Variants in ASIC2 observed in about 807,000 individuals in gnomAD.
ASIC2 encodes acid-sensing ion channel 2.
A neutral mutation model predicts 57.3 loss-of-function variants in ASIC2; 25 were observed. The ratio of observed to expected loss-of-function variants is 0.44; its 90% confidence interval spans 0.32 to 0.61. The LOEUF (loss-of-function observed/expected upper bound fraction) is 0.61. Ranked by LOEUF, ASIC2 falls within the 20% of genes least tolerant of loss-of-function variation. The pLI is 0.06. For missense variants in ASIC2, 641 were observed against 738.1 expected (o/e 0.87, Z 1.52); for synonymous variants, 319 against 307.5 (o/e 1.04, Z -0.39).
intron 1 of ASIC2, among the ~76,000 whole-genome samples, chr17:33,334,771 C>T (rs1380502538): frequency 2.0e-5 from 3 of 152,162 alleles, no homozygotes; most frequent in African/African-American, 7.2e-5. Flanking sequence ...CATGTACTGA[C>T]AAAGGGTCCT....
chr17:33,140,212 TC>T (rs896141473), intron 1 of ASIC2, among the ~76,000 whole-genome samples: 7 of 152,322 alleles, frequency 4.6e-5, no homozygotes, highest in African/African-American at 1.7e-4. Context: ...TAGCTGGCAC[TC>T]CCAGATTGTG....
At chr17:33,884,077 T>C (rs914633538) in intron 1 of ASIC2, among the ~76,000 whole-genome samples, 3 of 152,208 alleles carry the variant, frequency 2.0e-5, no homozygotes, top group African/African-American at 7.2e-5. Flanking sequence ...CGCACACCTA[T>C]GGTCATGGCC....
At chr17:33,620,149 G>A (rs1348698926) in intron 1 of ASIC2, among the ~76,000 whole-genome samples, 1 of 148,978 alleles carries the variant, frequency 6.7e-6, no homozygotes, top group Non-Finnish European at 1.5e-5. Flanking sequence ...ATGTAAAAGT[G>A]CAGTATCTTT....
intron 1 of ASIC2, among the ~76,000 whole-genome samples, chr17:33,724,476 G>A (rs1377067502): frequency 6.6e-6 from 1 of 152,178 alleles, no homozygotes; most frequent in Non-Finnish European, 1.5e-5. Flanking sequence ...TCGGGTAAAG[G>A]GTGTAAGTGG....
At chr17:34,150,542 T>C (rs1380052642) in intron 1 of ASIC2, among the ~76,000 whole-genome samples, 2 of 152,194 alleles carry the variant, frequency 1.3e-5, no homozygotes, top group African/African-American at 2.4e-5. Context: ...CTTTTTAAAA[T>C]TAAAAATTAT....
At chr17:33,432,343 T>C (rs2141979064) in intron 1 of ASIC2, among the ~76,000 whole-genome samples, 1 of 152,290 alleles carries the variant, frequency 6.6e-6, no homozygotes, top group African/African-American at 2.4e-5. Context: ...TAATGAGACC[T>C]CGTCTCTACA....
intron 1 of ASIC2, among the ~76,000 whole-genome samples, chr17:33,351,871 G>T (rs1908196559): frequency 6.6e-6 from 1 of 152,118 alleles, no homozygotes; most frequent in Admixed American, 6.5e-5. Flanking sequence ...GGATGAGGAT[G>T]GGGGAGTCGG....
intron 1 of ASIC2, among the ~76,000 whole-genome samples, chr17:33,431,220 T>C (rs1911405825): frequency 6.6e-6 from 1 of 152,138 alleles, no homozygotes; most frequent in South Asian, 2.1e-4. Flanking sequence ...ATGTTTAAAA[T>C]TGACCAACCA....
At chr17:34,141,610 T>C (rs1912274780) in intron 1 of ASIC2, among the ~76,000 whole-genome samples, 1 of 152,184 alleles carries the variant, frequency 6.6e-6, no homozygotes, top group Non-Finnish European at 1.5e-5. Context: ...GTCTAGAACA[T>C]AGGGAACATC....
intron 1 of ASIC2, among the ~76,000 whole-genome samples, chr17:33,323,330 A>C (rs2142217695): frequency 6.6e-6 from 1 of 152,374 alleles, no homozygotes; most frequent in East Asian, 1.9e-4. Flanking sequence ...ATAGTCATAC[A>C]GTAGAGTACT....
intron 1 of ASIC2, among the ~76,000 whole-genome samples, chr17:33,613,219 A>C (rs1905470525): frequency 6.6e-6 from 1 of 152,216 alleles, no homozygotes; most frequent in East Asian, 1.9e-4. Context: ...TAACAGTAAT[A>C]TGTGGTAGAA....
intron 1 of ASIC2, among the ~76,000 whole-genome samples, chr17:33,132,354 GT>G (rs1398748281): frequency 6.6e-6 from 1 of 152,208 alleles, no homozygotes; most frequent in East Asian, 1.9e-4. Context: ...CTGTCATGAT[GT>G]TAAGAAATAA....
intron 1 of ASIC2, among the ~76,000 whole-genome samples, chr17:33,720,801 G>A (rs1285897792): frequency 1.3e-5 from 2 of 152,168 alleles, no homozygotes; most frequent in African/African-American, 4.8e-5. Context: ...TAAGAGATGG[G>A]AGATCACGGA....
At chr17:33,472,369 C>G (rs1913084615) in intron 1 of ASIC2, among the ~76,000 whole-genome samples, 1 of 152,186 alleles carries the variant, frequency 6.6e-6, no homozygotes, top group Non-Finnish European at 1.5e-5. Context: ...CCACCATGCA[C>G]TGGGCACATT....
intron 1 of ASIC2, among the ~76,000 whole-genome samples, chr17:33,349,630 G>T (rs1204783303): frequency 6.6e-6 from 1 of 152,190 alleles, no homozygotes; most frequent in African/African-American, 2.4e-5. Context: ...TTAGGTGGCA[G>T]AGTGCCTGGA....
rs549160101 is a variant in ASIC2 at position 33,395,268 on chromosome 17, T to G, written c.556-283201A>C. Among the ~76,000 whole-genome samples the G allele has an allele frequency of 2.3e-3, 349 of 152,058 alleles. 1 individual carries two copies. Among genetic ancestry groups the G allele is most frequent in the Non-Finnish European group, 3.0e-3 (202 of 67,990 alleles). On this transcript the variant is annotated intron_variant, in intron 1 of 9. Transcript: ENST00000359872. Reference sequence around the variant, plus strand: ...TATTAGTCCATTTTCACACTGCTGATAAAGACATAACCGAGACGGGCAATT... The same window carrying G: ...TATTAGTCCATTTTCACACTGCTGAGAAAGACATAACCGAGACGGGCAATT...
intron 1 of ASIC2, among the ~76,000 whole-genome samples, chr17:34,134,533 C>T (rs181560544): frequency 4.6e-5 from 7 of 152,220 alleles, no homozygotes; most frequent in South Asian, 2.1e-4. Context: ...GTGCAGCCAT[C>T]GTAGAGATGA....
chr17:33,626,819 C>T (rs1342951372), intron 1 of ASIC2, among the ~76,000 whole-genome samples: 1 of 152,180 alleles, frequency 6.6e-6, no homozygotes, highest in Non-Finnish European at 1.5e-5. Context: ...ACCATTTCAG[C>T]GGCTTCCTGA....
chr17:33,486,220 T>C (rs1913570552), intron 1 of ASIC2, among the ~76,000 whole-genome samples: 1 of 152,168 alleles, frequency 6.6e-6, no homozygotes, highest in Non-Finnish European at 1.5e-5. Context: ...CACCTACGGG[T>C]AGTGTTTTCA....
Sources: gnomAD v4.1 joint callset for allele counts (sites outside exome capture counted in the v4.1 genomes callset) on GRCh38, gnomAD v4.1.1 for gene constraint, MANE v1.5 for transcripts, NCBI Gene and HGNC (gene_info 2026-07-23, HGNC 2026-07-21) for gene names.